Variants in THSD7B observed in about 807,000 individuals in gnomAD.
THSD7B encodes thrombospondin type-1 domain-containing protein 7B.
THSD7B carries 138 observed loss-of-function variants against 213.6 expected under a neutral mutation model. The ratio of observed to expected loss-of-function variants is 0.65; its 90% confidence interval spans 0.56 to 0.74. The LOEUF (loss-of-function observed/expected upper bound fraction) is 0.74, where lower values mean the gene tolerates loss of function less well. Ranked by LOEUF, THSD7B falls within the 30% of genes least tolerant of loss-of-function variation. THSD7B has a pLI of 0.00. For missense variants in THSD7B, 1,931 were observed against 1,991.5 expected (o/e 0.97, Z 0.58); for synonymous variants, 742 against 687.0 (o/e 1.08, Z -1.25).
At chr2:137,108,424 C>CA (rs1192099345) in intron 4 of THSD7B, among the ~76,000 whole-genome samples, 1 of 152,200 alleles carries the variant, frequency 6.6e-6, no homozygotes, top group African/African-American at 2.4e-5. Context: ...TATTGCTTCA[C>CA]AGCTATAAAT....
intron 3 of THSD7B, among the ~76,000 whole-genome samples, chr2:137,080,810 T>A (rs1687733985): frequency 1.3e-5 from 2 of 152,164 alleles, no homozygotes; most frequent in African/African-American, 2.4e-5. Flanking sequence ...CCATTCTCAT[T>A]GTAATATTTG....
chr2:136,916,057 A>G (rs530719406), intron 2 of THSD7B, among the ~76,000 whole-genome samples: 3 of 152,294 alleles, frequency 2.0e-5, no homozygotes, highest in Admixed American at 6.5e-5. Flanking sequence ...TTTCCCTAGT[A>G]ATTGGTCTAA....
chr2:137,286,136 T>C (rs1014949636), intron 12 of THSD7B, among the ~76,000 whole-genome samples: 3 of 151,864 alleles, frequency 2.0e-5, no homozygotes, highest in Non-Finnish European at 2.9e-5. Context: ...TTTCCAACGT[T>C]ATATATTACA....
intron 1 of THSD7B, among the ~76,000 whole-genome samples, chr2:136,790,734 G>GA: frequency 6.6e-6 from 1 of 151,988 alleles, no homozygotes; most frequent in South Asian, 2.1e-4. Flanking sequence ...GTTTTCCAGA[G>GA]AAAAAATACA....
At chr2:136,880,848 A>C (rs1389592652) in intron 1 of THSD7B, among the ~76,000 whole-genome samples, 1 of 152,114 alleles carries the variant, frequency 6.6e-6, no homozygotes, top group East Asian at 1.9e-4. Flanking sequence ...CATTATGCAC[A>C]CTGATTCTAG....
At chr2:137,531,001 T>C (rs1680386941) in intron 15 of THSD7B, among the ~76,000 whole-genome samples, 1 of 152,050 alleles carries the variant, frequency 6.6e-6, no homozygotes, top group Non-Finnish European at 1.5e-5. Flanking sequence ...ATGCATTTTC[T>C]GTCACTACAA....
chr2:136,987,302 G>A (rs1425591776), intron 2 of THSD7B, among the ~76,000 whole-genome samples: 1 of 152,188 alleles, frequency 6.6e-6, no homozygotes, highest in Non-Finnish European at 1.5e-5. Context: ...GGGAAAGTAT[G>A]CCACATCTGT....
At chr2:137,351,407 G>T (rs919851919) in intron 12 of THSD7B, among the ~76,000 whole-genome samples, 2 of 151,938 alleles carry the variant, frequency 1.3e-5, no homozygotes, top group East Asian at 3.9e-4. Context: ...GTGACTTTAG[G>T]CAAGTCATGG....
At chr2:137,472,476 ATG>A (rs967305403) in intron 15 of THSD7B, among the ~76,000 whole-genome samples, 9 of 152,210 alleles carry the variant, frequency 5.9e-5, no homozygotes, top group Non-Finnish European at 1.0e-4. Flanking sequence ...AAAAATAACT[ATG>A]TATTTCAAAA....
intron 27 of THSD7B, 43 bp from the exon 28 acceptor site, chr2:137,676,481 T>G (rs1394798434): frequency 6.6e-7 from 1 of 1,511,320 alleles, no homozygotes; most frequent in East Asian, 2.4e-5. Flanking sequence ...GAAACAGAGC[T>G]CTATGAACTT....
At chr2:136,847,373 C>T (rs1042086143) in intron 1 of THSD7B, among the ~76,000 whole-genome samples, 8 of 152,098 alleles carry the variant, frequency 5.3e-5, no homozygotes, top group Admixed American at 1.3e-4. Context: ...TTCTTAGAAT[C>T]GGGAATCCTC....
intron 6 of THSD7B, among the ~76,000 whole-genome samples, chr2:137,165,639 C>G: frequency 6.6e-6 from 1 of 152,072 alleles, no homozygotes; most frequent in East Asian, 1.9e-4. Flanking sequence ...CATTGCAAAA[C>G]TCTGGGATAT....
At chr2:137,040,261 T>C (rs1255776534) in intron 2 of THSD7B, among the ~76,000 whole-genome samples, 1 of 152,156 alleles carries the variant, frequency 6.6e-6, no homozygotes, top group African/African-American at 2.4e-5. Context: ...AGGTGTGGGA[T>C]GGCCACCTCT....
chr2:137,411,454 G>A (rs557076820), intron 13 of THSD7B, among the ~76,000 whole-genome samples, 155 bp from the exon 14 acceptor site: 17 of 152,064 alleles, frequency 1.1e-4, no homozygotes, highest in African/African-American at 2.9e-4. Flanking sequence ...AGTTGTTTCC[G>A]TTGTCTCAGG....
intron 4 of THSD7B, among the ~76,000 whole-genome samples, chr2:137,113,451 T>TA (rs1161090904): frequency 6.6e-6 from 1 of 152,180 alleles, no homozygotes; most frequent in East Asian, 1.9e-4. Flanking sequence ...TTGTTTGTTT[T>TA]TTCTTTCGGA....
At chr2:137,078,661 A>G (rs1558912025) in intron 3 of THSD7B, among the ~76,000 whole-genome samples, 1 of 151,512 alleles carries the variant, frequency 6.6e-6, no homozygotes, top group Non-Finnish European at 1.5e-5. Context: ...GTATGTATAT[A>G]TTTTTTTCAT....
At chr2:137,531,503 C>T (rs1047539175) in intron 15 of THSD7B, among the ~76,000 whole-genome samples, 1 of 151,406 alleles carries the variant, frequency 6.6e-6, no homozygotes, top group African/African-American at 2.4e-5. Flanking sequence ...TTTATGAAAG[C>T]TTACTTTCAT....
chr2:137,542,940 C>T (rs1680636331), intron 15 of THSD7B, among the ~76,000 whole-genome samples: 1 of 151,738 alleles, frequency 6.6e-6, no homozygotes, highest in African/African-American at 2.4e-5. Flanking sequence ...ACCTTAGTGG[C>T]TTAAAACAAC....
intron 1 of THSD7B, among the ~76,000 whole-genome samples, chr2:136,873,085 C>T (rs974866337): frequency 3.4e-5 from 5 of 148,496 alleles, no homozygotes; most frequent in Non-Finnish European, 6.0e-5. Flanking sequence ...CACAGATACC[C>T]GGATACCAAA....
Sources: gnomAD v4.1 joint callset for allele counts (sites outside exome capture counted in the v4.1 genomes callset) on GRCh38, gnomAD v4.1.1 for gene constraint, MANE v1.5 for transcripts, NCBI Gene and HGNC (gene_info 2026-07-23, HGNC 2026-07-21) for gene names.